MND1: variants seen among roughly 807,000 people sequenced by gnomAD.
The protein encoded by MND1 is meiotic nuclear division protein 1 homolog.
A neutral mutation model predicts 35.1 loss-of-function variants in MND1; 28 were observed. That is an observed-to-expected ratio of 0.80 (90% CI 0.59 to 1.09). MND1 has a LOEUF of 1.09. Ranked by LOEUF, MND1 falls within the 50% of genes least tolerant of loss-of-function variation. The pLI is 0.00. For synonymous variants in MND1, 69 were observed against 70.5 expected (o/e 0.98, Z 0.11); for missense variants, 213 against 239.6 (o/e 0.89, Z 0.73).
At chr4:153,382,230 A>C (rs2149646883) in intron 4 of MND1, among the ~76,000 whole-genome samples, 1 of 152,304 alleles carries the variant, frequency 6.6e-6, no homozygotes, top group East Asian at 1.9e-4. Context: ...AAAATAGCTT[A>C]ACTTTAGATT....
At chr4:153,389,222 T>A (rs1198155773) in intron 4 of MND1, among the ~76,000 whole-genome samples, 1 of 152,196 alleles carries the variant, frequency 6.6e-6, no homozygotes, top group African/African-American at 2.4e-5. Flanking sequence ...GTCTTCAGCT[T>A]GGAGGCGAGG....
intron 1 of MND1, among the ~76,000 whole-genome samples, chr4:153,346,683 A>C (rs1056129679): frequency 2.0e-5 from 3 of 152,234 alleles, no homozygotes; most frequent in Non-Finnish European, 4.4e-5. Flanking sequence ...CAGCTCATCC[A>C]CATTTCTTGA....
chr4:153,344,683 C>G, upstream of MND1: 1 of 1,526,630 alleles, frequency 6.6e-7, no homozygotes, highest in Admixed American at 1.9e-5. Flanking sequence ...CCTGGCCTGT[C>G]CCGCCCCTCT....
chr4:153,382,344 CTTTG>C (rs1274798052), intron 4 of MND1, among the ~76,000 whole-genome samples: 2 of 152,176 alleles, frequency 1.3e-5, no homozygotes, highest in East Asian at 1.9e-4. Context: ...TACCATCAAT[CTTTG>C]TTTGGTGGGT....
chr4:153,381,879 G>C (rs1728717797), intron 4 of MND1: 1 of 150,062 alleles, frequency 6.7e-6, no homozygotes, highest in African/African-American at 2.5e-5. Context: ...CCCACTCCCA[G>C]GAGGTCACCA....
At chr4:153,367,313 A>G (rs1773662228) in intron 4 of MND1, among the ~76,000 whole-genome samples, 1 of 151,948 alleles carries the variant, frequency 6.6e-6, no homozygotes, top group African/African-American at 2.4e-5. Flanking sequence ...TTCTCAGCCC[A>G]CTCCTCCCAC....
chr4:153,372,349 G>A lies in MND1; in HGVS notation c.276+13727G>A, dbSNP rs558028556. ...AGGTATGCCTGTGCAAAGAGGGATC[G>A]TTCAGGCCATCTTAGAGGATATCAT... On this transcript the variant is annotated intron_variant, in intron 4 of 7. Transcript: ENST00000240488. Among the ~76,000 whole-genome samples the A allele has an allele frequency of 1.5e-4, 23 of 151,268 alleles. No individual in the cohort carries two copies. In the South Asian group the frequency reaches 4.6e-3, roughly 30 times the overall value.
At chr4:153,345,806 G>A (rs1773064260) in intron 1 of MND1, among the ~76,000 whole-genome samples, 2 of 152,202 alleles carry the variant, frequency 1.3e-5, no homozygotes, top group South Asian at 4.1e-4. Context: ...CCACCTGGGC[G>A]TGAAGTGCTC....
intron 5 of MND1, among the ~76,000 whole-genome samples, chr4:153,395,763 A>G (rs1254902080): frequency 6.6e-6 from 1 of 152,190 alleles, no homozygotes; most frequent in African/African-American, 2.4e-5. Context: ...TTTGGCAAAG[A>G]TCTCAGTGAT....
chr4:153,350,969 A>C (rs1424320151), intron 2 of MND1, among the ~76,000 whole-genome samples: 1 of 144,142 alleles, frequency 6.9e-6, no homozygotes, highest in African/African-American at 2.7e-5. Flanking sequence ...AAAAAAAAAA[A>C]CAAACAAAAT....
At chr4:153,400,383 T>G (rs952541695) in intron 6 of MND1, among the ~76,000 whole-genome samples, 4 of 152,188 alleles carry the variant, frequency 2.6e-5, no homozygotes, top group African/African-American at 9.6e-5. Context: ...TTTTAAAAAA[T>G]TTATTAAAGA....
chr4:153,389,288 T>C (rs1728955919), intron 4 of MND1, among the ~76,000 whole-genome samples: 1 of 152,260 alleles, frequency 6.6e-6, no homozygotes, highest in Admixed American at 6.5e-5. Context: ...CCTGCCATTA[T>C]CAATTGCATT....
chr4:153,380,934 C>G (rs893919596), intron 4 of MND1, among the ~76,000 whole-genome samples: 1 of 151,460 alleles, frequency 6.6e-6, no homozygotes, highest in African/African-American at 2.4e-5. Flanking sequence ...GACTGTCGCT[C>G]TGTTGCCCAG....
At chr4:153,352,907 C>T (rs1319592504) in intron 2 of MND1, among the ~76,000 whole-genome samples, 5 of 152,072 alleles carry the variant, frequency 3.3e-5, no homozygotes, top group Non-Finnish European at 7.4e-5. Flanking sequence ...AGATCATTTG[C>T]TCTGTCCACT....
At chr4:153,394,210 C>T in intron 4 of MND1, 52 bp from the exon 5 acceptor site, 1 of 1,550,278 alleles carries the variant, frequency 6.5e-7, no homozygotes, top group South Asian at 1.1e-5. Context: ...TCATCAACTA[C>T]TACATGTCAG....
chr4:153,407,716 GAT>G, intron 6 of MND1, among the ~76,000 whole-genome samples: 1 of 152,270 alleles, frequency 6.6e-6, no homozygotes, highest in South Asian at 2.1e-4. Flanking sequence ...ATGAGGTATT[GAT>G]ACATGAATGA....
intron 6 of MND1, among the ~76,000 whole-genome samples, chr4:153,402,592 C>T (rs999176288): frequency 1.2e-4 from 18 of 152,194 alleles, no homozygotes; most frequent in Admixed American, 9.2e-4. Context: ...AACAACCCTG[C>T]ATTCCTACTG....
intron 6 of MND1, among the ~76,000 whole-genome samples, chr4:153,399,527 G>C (rs1281549032): frequency 6.6e-6 from 1 of 152,144 alleles, no homozygotes; most frequent in African/African-American, 2.4e-5. Context: ...TCATGAAGTG[G>C]GGAAAACTTG....
At chr4:153,383,278 C>A (rs1476761143) in intron 4 of MND1, among the ~76,000 whole-genome samples, 1 of 152,102 alleles carries the variant, frequency 6.6e-6, no homozygotes, top group Admixed American at 6.6e-5. Context: ...AAAACCCAGG[C>A]TGGGAGGAAA....
Sources: allele counts gnomAD v4.1 joint callset (sites outside exome capture counted in the v4.1 genomes callset), GRCh38; gene constraint gnomAD v4.1.1; transcripts MANE v1.5; gene names NCBI Gene and HGNC (gene_info 2026-07-23, HGNC 2026-07-21).